SPATA16: variants seen among roughly 807,000 people sequenced by gnomAD.
SPATA16 encodes the protein spermatogenesis-associated protein 16.
A neutral mutation model predicts 63.3 loss-of-function variants in SPATA16; 36 were observed. That is an observed-to-expected ratio of 0.57 (90% CI 0.44 to 0.75). The LOEUF is 0.75. Among genes scored for constraint, SPATA16 ranks in the 30% least tolerant of loss-of-function variants. The pLI is 0.00. For missense variants in SPATA16, 646 were observed against 679.3 expected, an observed-to-expected ratio of 0.95 and a Z score of 0.54; for synonymous variants, 203 against 216.7, an observed-to-expected ratio of 0.94 and a Z score of 0.56.
At chr3:173,129,794 T>C (rs1738321505) in intron 1 of SPATA16, among the ~76,000 whole-genome samples, 1 of 152,290 alleles carries the variant, frequency 6.6e-6, no homozygotes, top group East Asian at 1.9e-4. Context: ...TCTGTACAAT[T>C]GGGGAACACC....
chr3:172,912,176 A>G (rs542895011), intron 10 of SPATA16, among the ~76,000 whole-genome samples: 3 of 152,140 alleles, frequency 2.0e-5, no homozygotes, highest in Non-Finnish European at 4.4e-5. Context: ...GAAAACCACT[A>G]CACATTCTTT....
At chr3:173,138,403 T>C (rs1418363125) in intron 1 of SPATA16, among the ~76,000 whole-genome samples, 3 of 152,188 alleles carry the variant, frequency 2.0e-5, no homozygotes, top group African/African-American at 7.2e-5. Context: ...GTGAGGCCAA[T>C]ATTTTCAACT....
intron 4 of SPATA16, among the ~76,000 whole-genome samples, chr3:173,000,206 C>G (rs1308569562): frequency 3.9e-5 from 6 of 152,190 alleles, no homozygotes. Context: ...AAGGAGCCAT[C>G]TATGAGGAAC....
At position 173,035,959 on chromosome 3, in the gene SPATA16, A is replaced by AT. The variant is rs34251952; in HGVS notation, c.758+12989dup. ...TTACCATTATGGACACTCAGCCTCT[A>AT]TTTTTTTTTTTTTTAATAAATTTCA... is the stretch of plus-strand genomic sequence containing the variant. On this transcript the variant is annotated intron_variant, in intron 3 of 10. Coordinates refer to ENST00000351008, the MANE Select transcript of SPATA16 (RefSeq NM_031955.6). Among the ~76,000 whole-genome samples, 594 of 143,618 alleles carry AT rather than the reference A, an allele frequency of 4.1e-3. 1 individual carries two copies. Among genetic ancestry groups the AT allele is most frequent in the African/African-American group, 7.8e-3 (309 of 39,758 alleles). The allele number at this position is 143,618 out of a possible 152,430, so 94.2% of individuals were successfully genotyped here. A position where few individuals can be genotyped will look rare whatever the true frequency, so the allele number is the denominator to read the frequency against.
intron 10 of SPATA16, among the ~76,000 whole-genome samples, chr3:172,908,277 T>A (rs1319359013): frequency 6.6e-6 from 1 of 152,234 alleles, no homozygotes; most frequent in African/African-American, 2.4e-5. Context: ...AAATATGCTG[T>A]GGCAGCGGAC....
At chr3:172,930,563 T>C in intron 6 of SPATA16, among the ~76,000 whole-genome samples, 1 of 144,314 alleles carries the variant, frequency 6.9e-6, no homozygotes, top group East Asian at 2.0e-4. Context: ...CTTTTTTTTT[T>C]TTTTTTTTTT....
chr3:173,047,094 T>A (rs557506779), intron 3 of SPATA16, among the ~76,000 whole-genome samples: 22 of 152,070 alleles, frequency 1.4e-4, no homozygotes, highest in African/African-American at 5.3e-4. Flanking sequence ...ACATTTCTAA[T>A]TCTAAATAGT....
chr3:173,051,064 CAG>C (rs1736078347), intron 2 of SPATA16, among the ~76,000 whole-genome samples: 1 of 152,166 alleles, frequency 6.6e-6, no homozygotes, highest in South Asian at 2.1e-4. Flanking sequence ...AATACCTAAA[CAG>C]AGTTTTCCAC....
intron 5 of SPATA16, among the ~76,000 whole-genome samples, chr3:172,962,799 T>C (rs1733820027): frequency 6.6e-6 from 1 of 152,146 alleles, no homozygotes; most frequent in African/African-American, 2.4e-5. Flanking sequence ...TAATGGCTAA[T>C]AAACCTCTTT....
At chr3:172,974,243 C>G (rs1205583276) in intron 5 of SPATA16, among the ~76,000 whole-genome samples, 1 of 151,966 alleles carries the variant, frequency 6.6e-6, no homozygotes, top group African/African-American at 2.4e-5. Context: ...GAATAACCAA[C>G]TAAAATGGTA....
chr3:173,076,051 C>T (rs1193343945), intron 2 of SPATA16, among the ~76,000 whole-genome samples: 1 of 152,006 alleles, frequency 6.6e-6, no homozygotes, highest in East Asian at 1.9e-4. Flanking sequence ...GTGCAACTAT[C>T]ATGTACTCAT....
chr3:172,895,096 G>T (rs1027293151), intron 10 of SPATA16, among the ~76,000 whole-genome samples: 1 of 152,170 alleles, frequency 6.6e-6, no homozygotes, highest in African/African-American at 2.4e-5. Context: ...ACACACATCA[G>T]TAAAAAGAAA....
At chr3:173,088,022 C>CTTTCTT (rs1560118806) in intron 2 of SPATA16, among the ~76,000 whole-genome samples, 1 of 108,958 alleles carries the variant, frequency 9.2e-6, no homozygotes, top group East Asian at 3.4e-4. Flanking sequence ...TTCTTTCTTT[C>CTTTCTT]TTTCTTTCTT....
intron 4 of SPATA16, among the ~76,000 whole-genome samples, chr3:173,014,074 A>G (rs538081957): frequency 3.9e-5 from 6 of 152,236 alleles, no homozygotes; most frequent in African/African-American, 1.4e-4. Flanking sequence ...CAGCAATCCC[A>G]CTTCTTGGTG....
intron 9 of SPATA16, among the ~76,000 whole-genome samples, chr3:172,915,705 T>G (rs1732467664): frequency 6.6e-6 from 1 of 152,210 alleles, no homozygotes; most frequent in Non-Finnish European, 1.5e-5. Flanking sequence ...TCCCTTCAAC[T>G]AGTTTTTGCC....
intron 2 of SPATA16, among the ~76,000 whole-genome samples, chr3:173,084,038 C>T (rs918321211): frequency 2.0e-5 from 3 of 152,114 alleles, no homozygotes; most frequent in Admixed American, 1.3e-4. Context: ...GGTGTCTACC[C>T]AGTAATGGAA....
At chr3:172,992,850 A>G (rs1338258909) in intron 4 of SPATA16, among the ~76,000 whole-genome samples, 1 of 152,168 alleles carries the variant, frequency 6.6e-6, no homozygotes, top group African/African-American at 2.4e-5. Flanking sequence ...TGCTCTGGGA[A>G]TAAGTGAAGA....
chr3:172,932,780 A>G lies in SPATA16; in HGVS notation c.1082-7288T>C, dbSNP rs535150615. Among the ~76,000 whole-genome samples the G allele has an allele frequency of 7.6e-4, 115 of 152,272 alleles. 2 individuals are homozygous for G. The highest frequency in any genetic ancestry group is 3.1e-4 in the Non-Finnish European group (21 of 68,016). On this transcript the variant is annotated intron_variant, in intron 6 of 10. Transcript: ENST00000351008. ...AAGTCATATGTATACTATATAGATA[A>G]TAAATTGTACAATAAATTATATTTC...
At chr3:173,133,002 A>G (rs1308720952) in intron 1 of SPATA16, among the ~76,000 whole-genome samples, 1 of 152,200 alleles carries the variant, frequency 6.6e-6, no homozygotes. Context: ...ATATGAGAAC[A>G]CAGAGAAGTT....
Sources: gnomAD v4.1 joint callset for allele counts (sites outside exome capture counted in the v4.1 genomes callset) on GRCh38, gnomAD v4.1.1 for gene constraint, MANE v1.5 for transcripts, NCBI Gene and HGNC (gene_info 2026-07-23, HGNC 2026-07-21) for gene names.